Variants in GRM8 observed in about 807,000 individuals in gnomAD.
GRM8 encodes the protein metabotropic glutamate receptor 8.
A neutral mutation model predicts 87.2 loss-of-function variants in GRM8; 47 were observed. That is an observed-to-expected ratio of 0.54 (90% CI 0.43 to 0.69). The LOEUF is 0.69. Ranked by LOEUF, GRM8 falls within the 30% of genes least tolerant of loss-of-function variation. GRM8 has a pLI of 0.00. For missense variants in GRM8, 1,019 were observed against 1,139.2 expected (o/e 0.89, Z 1.52); for synonymous variants, 396 against 404.5 (o/e 0.98, Z 0.25).
At chr7:126,858,488 T>A (rs951715505) in intron 6 of GRM8, among the ~76,000 whole-genome samples, 1 of 152,138 alleles carries the variant, frequency 6.6e-6, no homozygotes, top group African/African-American at 2.4e-5. Context: ...ATAAAAATTA[T>A]AGAAGTCCAT....
At position 126,595,801 on chromosome 7, in the gene GRM8, T is replaced by C. The variant is rs146967342; in HGVS notation, c.1494+13561A>G. On this transcript the variant is annotated intron_variant, in intron 8 of 10. Coordinates refer to ENST00000339582, the MANE Select transcript of GRM8 (RefSeq NM_000845.3). ...TCCATGTCTTTCCTATTGTGAACAG[T>C]GCTGCAGTTAACATGAACATGCGTG... Among the ~76,000 whole-genome samples the C allele has an allele frequency of 1.4e-4, 22 of 152,300 alleles. No individual in the cohort carries two copies. The East Asian group carries it at 4.0e-3, about 28-fold the overall frequency.
At chr7:126,959,556 C>T (rs1398968284) in intron 3 of GRM8, among the ~76,000 whole-genome samples, 2 of 152,136 alleles carry the variant, frequency 1.3e-5, no homozygotes, top group Non-Finnish European at 2.9e-5. Context: ...AAAATGTATA[C>T]TTTCTGGGGT....
rs1027081767 is a variant in GRM8 at position 127,211,906 on chromosome 7, A to T, written c.510+30789T>A. Among the ~76,000 whole-genome samples the T allele has an allele frequency of 5.3e-5, 8 of 152,238 alleles. No individual in the cohort carries two copies. In the East Asian group the frequency reaches 1.5e-3, roughly 29 times the overall value. On this transcript the variant is annotated intron_variant, in intron 2 of 10. Transcript: ENST00000339582. ...AACGGGAACAGACTAACACAACCCT[A>T]TACTTCAGTATTTGGGATAATTGGA... is the stretch of plus-strand genomic sequence containing the variant.
At chr7:126,758,861 T>C (rs952650683) in intron 7 of GRM8, among the ~76,000 whole-genome samples, 24 of 151,962 alleles carry the variant, frequency 1.6e-4, no homozygotes, top group African/African-American at 5.1e-4. Context: ...TTAAAGGAAT[T>C]TTTTCATTAA....
At chr7:126,946,264 G>A (rs183968334) in intron 3 of GRM8, among the ~76,000 whole-genome samples, 190 of 152,322 alleles carry the variant, frequency 1.2e-3, no homozygotes, top group South Asian at 3.9e-3. Flanking sequence ...AACATTGGGA[G>A]GCCAAGGCAG....
At chr7:126,878,080 T>C (rs1243664916) in intron 6 of GRM8, among the ~76,000 whole-genome samples, 2 of 152,200 alleles carry the variant, frequency 1.3e-5, no homozygotes, top group Admixed American at 1.3e-4. Context: ...CCAAAGCCCA[T>C]GCCCTTACCC....
At chr7:127,099,204 T>C (rs1824980699) in intron 3 of GRM8, among the ~76,000 whole-genome samples, 1 of 152,166 alleles carries the variant, frequency 6.6e-6, no homozygotes, top group African/African-American at 2.4e-5. Flanking sequence ...CAATGAAACA[T>C]TATATCAAGG....
At chr7:127,049,367 A>G (rs1469008299) in intron 3 of GRM8, among the ~76,000 whole-genome samples, 1 of 152,212 alleles carries the variant, frequency 6.6e-6, no homozygotes, top group African/African-American at 2.4e-5. Flanking sequence ...AAAGTCATAC[A>G]AATTTGATCT....
intron 6 of GRM8, among the ~76,000 whole-genome samples, chr7:126,788,409 C>CAAAAAAAAAAAAAAACAACAAAAAAAAA (rs67131936): frequency 9.3e-5 from 1 of 10,798 alleles, no homozygotes; most frequent in African/African-American, 2.8e-4. Flanking sequence ...GACTCCATCT[C>CAAAAAAAAAAAAAAACAACAAAAAAAAA]AAAAAAAAAA....
intron 2 of GRM8, among the ~76,000 whole-genome samples, chr7:127,180,313 C>T (rs562913594): frequency 5.9e-5 from 9 of 151,912 alleles, no homozygotes; most frequent in African/African-American, 2.2e-4. Context: ...AATTAGATAC[C>T]CTGAACAGAC....
chr7:127,125,426 C>T (rs929011910), intron 2 of GRM8, among the ~76,000 whole-genome samples: 4 of 151,848 alleles, frequency 2.6e-5, no homozygotes, highest in Admixed American at 1.3e-4. Flanking sequence ...GATTCTCATA[C>T]CATGCATAAA....
intron 3 of GRM8, among the ~76,000 whole-genome samples, chr7:127,001,406 A>T (rs1813717118): frequency 6.6e-6 from 1 of 151,672 alleles, no homozygotes; most frequent in Non-Finnish European, 1.5e-5. Context: ...TCCAGAACTT[A>T]ATAACCTGAA....
intron 6 of GRM8, among the ~76,000 whole-genome samples, chr7:126,792,409 C>T (rs1428605976): frequency 6.6e-6 from 1 of 152,176 alleles, no homozygotes; most frequent in Non-Finnish European, 1.5e-5. Flanking sequence ...CCAGTCTCTC[C>T]CCAGCCCTGC....
chr7:126,661,406 T>A (rs975712312), intron 7 of GRM8, among the ~76,000 whole-genome samples: 15 of 152,216 alleles, frequency 9.9e-5, no homozygotes, highest in Admixed American at 9.2e-4. Context: ...ACATATGTTT[T>A]AAAAAACTCA....
At chr7:126,752,615 C>T (rs574959112) in intron 7 of GRM8, among the ~76,000 whole-genome samples, 10 of 152,194 alleles carry the variant, frequency 6.6e-5, no homozygotes, top group Non-Finnish European at 1.3e-4. Context: ...GATGATGTGT[C>T]ATTTTAACTC....
At chr7:127,015,395 T>C (rs1815563511) in intron 3 of GRM8, among the ~76,000 whole-genome samples, 1 of 152,134 alleles carries the variant, frequency 6.6e-6, no homozygotes, top group South Asian at 2.1e-4. Flanking sequence ...ATTTGTGATA[T>C]GCTGATAGGA....
At chr7:127,030,004 G>A (rs1291852910) in intron 3 of GRM8, among the ~76,000 whole-genome samples, 1 of 152,030 alleles carries the variant, frequency 6.6e-6, no homozygotes, top group Non-Finnish European at 1.5e-5. Context: ...GCGAATAAAA[G>A]GTGTTCAAGG....
At chr7:126,941,364 T>C (rs1232398236) in intron 3 of GRM8, among the ~76,000 whole-genome samples, 1 of 151,738 alleles carries the variant, frequency 6.6e-6, no homozygotes, top group Non-Finnish European at 1.5e-5. Context: ...TCCCAGTACT[T>C]TGGGAGGCCG....
chr7:126,960,034 T>TGAA (rs1809143770), intron 3 of GRM8, among the ~76,000 whole-genome samples: 2 of 152,220 alleles, frequency 1.3e-5, no homozygotes, highest in Non-Finnish European at 2.9e-5. Context: ...TATTGAGCTC[T>TGAA]TTATTTTTTC....
Sources: gnomAD v4.1 joint callset for allele counts (sites outside exome capture counted in the v4.1 genomes callset) on GRCh38, gnomAD v4.1.1 for gene constraint, MANE v1.5 for transcripts, NCBI Gene and HGNC (gene_info 2026-07-23, HGNC 2026-07-21) for gene names.